The following NAT1 variants were observed in gnomAD, a reference collection of about 807,000 sequenced individuals.
NAT1 encodes the protein arylamine N-acetyltransferase 1.
For missense variants in NAT1, 400 were observed against 339.2 expected (o/e 1.18, Z -1.41); for synonymous variants, 144 against 122.6 (o/e 1.17, Z -1.16).
At chr8:18,179,507 T>C (rs28383677) in intron 2 of NAT1, among the ~76,000 whole-genome samples, 41,009 of 151,924 alleles carry the variant, frequency 0.27, 6,186 homozygotes, top group African/African-American at 0.39. Flanking sequence ...AGCTGGAAGC[T>C]TTTTGATGTG....
At chr8:18,173,809 T>C (rs1442581100) in intron 2 of NAT1, among the ~76,000 whole-genome samples, 2 of 152,190 alleles carry the variant, frequency 1.3e-5, no homozygotes, top group Admixed American at 1.3e-4. Flanking sequence ...TATTCTCGAC[T>C]ACCCCATAAC....
intron 2 of NAT1, among the ~76,000 whole-genome samples, chr8:18,194,793 TG>T (rs1465784357): frequency 1.7e-4 from 25 of 148,898 alleles, no homozygotes; most frequent in Non-Finnish European, 3.3e-4. Context: ...CACTCCAGCC[TG>T]GGCAACAGAG....
At chr8:18,219,560 A>T (rs750551888) in intron 2 of NAT1, 71 bp downstream of exon 2, 1 of 776,032 alleles carries the variant, frequency 1.3e-6, no homozygotes, top group Non-Finnish European at 2.1e-6. Context: ...TTTAAGTCTT[A>T]TATTTATGAT....
intron 2 of NAT1, among the ~76,000 whole-genome samples, chr8:18,182,226 GT>G (rs1327874079): frequency 6.6e-6 from 1 of 152,160 alleles, no homozygotes; most frequent in Non-Finnish European, 1.5e-5. Flanking sequence ...TCCATTTGAT[GT>G]TCCTGTGGGG....
intron 2 of NAT1, among the ~76,000 whole-genome samples, chr8:18,184,007 C>T (rs997992016): frequency 1.3e-5 from 2 of 152,124 alleles, no homozygotes; most frequent in African/African-American, 4.8e-5. Context: ...GCAGTGTATA[C>T]TAGTGGCTCT....
At chr8:18,198,226 G>A (rs1196016370) in intron 2 of NAT1, among the ~76,000 whole-genome samples, 3 of 152,242 alleles carry the variant, frequency 2.0e-5, no homozygotes, top group Admixed American at 2.0e-4. Context: ...AAACATGAAA[G>A]ATTCATGTGA....
intron 2 of NAT1, among the ~76,000 whole-genome samples, chr8:18,173,836 G>A (rs1802188930): frequency 6.6e-6 from 1 of 152,108 alleles, no homozygotes; most frequent in South Asian, 2.1e-4. Context: ...GAATAGCCTT[G>A]AAACAATGTT....
chr8:18,191,227 A>C (rs1446428471), intron 2 of NAT1, among the ~76,000 whole-genome samples: 1 of 152,212 alleles, frequency 6.6e-6, no homozygotes, highest in Admixed American at 6.5e-5. Flanking sequence ...CCTGTATGTA[A>C]TTAAATGCTG....
chr8:18,175,082 T>G (rs1318115428), intron 2 of NAT1, among the ~76,000 whole-genome samples: 1 of 152,072 alleles, frequency 6.6e-6, no homozygotes, highest in African/African-American at 2.4e-5. Flanking sequence ...TCTAAAATAT[T>G]TATTTATAAT....
intron 2 of NAT1, among the ~76,000 whole-genome samples, chr8:18,221,419 C>A (rs963467368): frequency 6.6e-6 from 1 of 151,114 alleles, no homozygotes; most frequent in Non-Finnish European, 1.5e-5. Flanking sequence ...TACAATCTAA[C>A]AGATTGCATG....
intron 1 of NAT1, among the ~76,000 whole-genome samples, chr8:18,213,491 C>G (rs4921580): frequency 0.15 from 22,792 of 151,984 alleles, 1,791 homozygotes; most frequent in African/African-American, 0.18. Context: ...CAGTAGAAAA[C>G]TAGAGACTTC....
At chr8:18,210,296 A>G (rs2117326647) in intron 1 of NAT1, 116 bp downstream of exon 1, 1 of 152,334 alleles carries the variant, frequency 6.6e-6, no homozygotes, top group East Asian at 1.9e-4. Context: ...TTGCTCAGAA[A>G]GTGTGGCTGG....
At chr8:18,173,329 C>A (rs545984767) in intron 2 of NAT1, among the ~76,000 whole-genome samples, 1 of 152,196 alleles carries the variant, frequency 6.6e-6, no homozygotes, top group African/African-American at 2.4e-5. Flanking sequence ...CTAGCATTTT[C>A]ATTCTTGCCA....
chr8:18,222,687 T>G lies in NAT1; in HGVS notation c.640T>G (p.Ser214Ala), dbSNP rs4986783. 0.021 allele frequency: 34,640 copies of G among 1,613,962 alleles called. 483 individuals carry two copies. Among genetic ancestry groups the G allele is most frequent in the Middle Eastern group, 0.08 (487 of 6,062 alleles). The change falls in exon 3 of 3, where the codon TCA becomes GCA. Residue 214 changes from serine (S) to alanine (A), a missense_variant. Ser to Ala is a moderately conservative substitution (Grantham distance 99). Coordinates refer to ENST00000307719, the MANE Select transcript of NAT1 (RefSeq NM_000662.8). ...SMNTYLQTSP[S>A]SVFTSKSFCS... ...GAATACATACCTGCAGACATCTCCA[T>G]CATCTGTGTTTACTAGTAAATCATT...
chr8:18,176,608 G>GT (rs369543146), intron 2 of NAT1, among the ~76,000 whole-genome samples: 1 of 150,044 alleles, frequency 6.7e-6, no homozygotes, highest in African/African-American at 2.5e-5. Flanking sequence ...GTTTTGTTTT[G>GT]TTTTTACAAT....
chr8:18,197,712 A>G (rs1189398854), intron 2 of NAT1, among the ~76,000 whole-genome samples: 3 of 152,116 alleles, frequency 2.0e-5, no homozygotes, highest in African/African-American at 7.2e-5. Flanking sequence ...CATTTTATTC[A>G]GGGAAGGGCA....
At chr8:18,185,129 G>T (rs6990765) in intron 2 of NAT1, among the ~76,000 whole-genome samples, 92,338 of 151,916 alleles carry the variant, frequency 0.61, 29,825 homozygotes, top group African/African-American at 0.84. Flanking sequence ...TTTTTCCTTC[G>T]GGAATGTCCG....
intron 2 of NAT1, among the ~76,000 whole-genome samples, chr8:18,203,920 T>G (rs1190607014): frequency 1.3e-5 from 2 of 152,088 alleles, no homozygotes; most frequent in African/African-American, 4.8e-5. Flanking sequence ...AGATGGTGGC[T>G]CCATCTTCCC....
chr8:18,176,095 T>C (rs1400341051), intron 2 of NAT1, among the ~76,000 whole-genome samples: 4 of 152,120 alleles, frequency 2.6e-5, no homozygotes, highest in African/African-American at 9.7e-5. Context: ...TCCTTATATA[T>C]TTTGAATATT....
Sources: gnomAD v4.1 joint callset for allele counts (sites outside exome capture counted in the v4.1 genomes callset) on GRCh38, gnomAD v4.1.1 for gene constraint, MANE v1.5 for transcripts, NCBI Gene and HGNC (gene_info 2026-07-23, HGNC 2026-07-21) for gene names.